The following ENTHD1 variants were observed in gnomAD, a reference collection of about 807,000 sequenced individuals.
ENTHD1 encodes ENTH domain containing 1, also known as ENTH domain-containing protein 1.
ENTHD1 carries 23 observed loss-of-function variants against 39.1 expected under a neutral mutation model. The observed-to-expected ratio is 0.59, with a 90% CI of 0.42 to 0.83. The LOEUF is 0.83. Among genes scored for constraint, ENTHD1 ranks in the 40% least tolerant of loss-of-function variants. The pLI is 0.00. For missense variants in ENTHD1, 624 were observed against 705.4 expected, an observed-to-expected ratio of 0.88 and a Z score of 1.31; for synonymous variants, 230 against 258.2, an observed-to-expected ratio of 0.89 and a Z score of 1.05.
At chr22:39,746,901 T>A (rs113465172) in intron 6 of ENTHD1, among the ~76,000 whole-genome samples, 5 of 152,362 alleles carry the variant, frequency 3.3e-5, no homozygotes, top group African/African-American at 1.2e-4. Context: ...CTTCAGACTC[T>A]GCCATGGGTT....
chr22:39,771,704 G>GA (rs1343490786), intron 5 of ENTHD1, among the ~76,000 whole-genome samples: 5 of 150,948 alleles, frequency 3.3e-5, no homozygotes, highest in South Asian at 2.1e-4. Context: ...TTTTAATGCT[G>GA]AAAAAAAACT....
intron 3 of ENTHD1, among the ~76,000 whole-genome samples, chr22:39,841,378 T>C (rs2065943302): frequency 6.6e-6 from 1 of 152,160 alleles, no homozygotes; most frequent in South Asian, 2.1e-4. Context: ...TCTAAGTCTC[T>C]TTGTAGGTCA....
chr22:39,860,846 T>C (rs1168735617), intron 3 of ENTHD1, among the ~76,000 whole-genome samples: 7 of 152,218 alleles, frequency 4.6e-5, no homozygotes, highest in Non-Finnish European at 5.9e-5. Flanking sequence ...TTTAAAGTTT[T>C]AGCAAATTTG....
intron 5 of ENTHD1, 120 bp downstream of exon 5, chr22:39,820,873 G>C: frequency 9.9e-7 from 1 of 1,009,132 alleles, no homozygotes; most frequent in South Asian, 1.8e-5. Flanking sequence ...CCATGTTGTG[G>C]GTTGAATTTA....
At chr22:39,748,444 C>T (rs534641687) in intron 6 of ENTHD1, among the ~76,000 whole-genome samples, 54 of 149,956 alleles carry the variant, frequency 3.6e-4, no homozygotes, top group African/African-American at 1.0e-3. Flanking sequence ...TTTTTTGAGA[C>T]GGAGTCTCGC....
intron 1 of ENTHD1, among the ~76,000 whole-genome samples, chr22:39,888,436 T>G (rs1007663202): frequency 2.0e-5 from 3 of 151,624 alleles, no homozygotes; most frequent in African/African-American, 4.8e-5. Context: ...CCTGGCTATT[T>G]TTTTTTTTGG....
At chr22:39,769,659 AG>A (rs1178613767) in intron 5 of ENTHD1, among the ~76,000 whole-genome samples, 8 of 152,158 alleles carry the variant, frequency 5.3e-5, no homozygotes, top group Non-Finnish European at 1.0e-4. Context: ...AGTAGTACTC[AG>A]AGGAAGGCCA....
intron 2 of ENTHD1, among the ~76,000 whole-genome samples, chr22:39,885,664 G>A (rs1487668215): frequency 6.6e-6 from 1 of 152,172 alleles, no homozygotes; most frequent in Non-Finnish European, 1.5e-5. Context: ...AAGGAATAAA[G>A]TTCTGATACA....
intron 1 of ENTHD1, among the ~76,000 whole-genome samples, chr22:39,890,721 C>G (rs2066420161): frequency 6.6e-6 from 1 of 152,116 alleles, no homozygotes; most frequent in Non-Finnish European, 1.5e-5. Context: ...AATGAATTTA[C>G]ATGACACCAT....
At chr22:39,753,433 G>A (rs913182903) in intron 6 of ENTHD1, among the ~76,000 whole-genome samples, 1 of 152,198 alleles carries the variant, frequency 6.6e-6, no homozygotes, top group Non-Finnish European at 1.5e-5. Context: ...AAGATCAAAT[G>A]AGGTTGCAGC....
At chr22:39,747,358 A>C (rs917204879) in intron 6 of ENTHD1, among the ~76,000 whole-genome samples, 1 of 152,160 alleles carries the variant, frequency 6.6e-6, no homozygotes, top group African/African-American at 2.4e-5. Context: ...TTCAAATATG[A>C]GGCAAGGGAA....
At chr22:39,809,031 G>T (rs1208470307) in intron 5 of ENTHD1, among the ~76,000 whole-genome samples, 2 of 152,174 alleles carry the variant, frequency 1.3e-5, no homozygotes, top group Non-Finnish European at 2.9e-5. Context: ...TCTACAGTCA[G>T]TTCTATAATT....
At chr22:39,871,219 A>T (rs2066241336) in intron 2 of ENTHD1, among the ~76,000 whole-genome samples, 3 of 148,506 alleles carry the variant, frequency 2.0e-5, no homozygotes, top group African/African-American at 7.6e-5. Flanking sequence ...AAATAAATAA[A>T]TACGGACCTT....
chr22:39,757,684 A>G (rs1470919759), intron 6 of ENTHD1, among the ~76,000 whole-genome samples: 2 of 152,036 alleles, frequency 1.3e-5, no homozygotes, highest in African/African-American at 4.8e-5. Context: ...CTCAAAAAAA[A>G]AAATTTAAAA....
chr22:39,744,241 G>T lies in ENTHD1; in HGVS notation c.1262C>A (p.Ser421Tyr), dbSNP rs752651560. The T allele has an allele frequency of 9.9e-6, 16 of 1,608,890 alleles. No individual in the cohort carries two copies. Among genetic ancestry groups the T allele is most frequent in the Non-Finnish European group, 1.2e-5 (14 of 1,178,470 alleles). The change falls in exon 7 of 7, where the codon TCC becomes TAC. Residue 421 changes from serine to tyrosine, a missense_variant. Coordinates refer to ENST00000325157, the MANE Select transcript of ENTHD1 (RefSeq NM_152512.4). The stretch of plus-strand genomic sequence containing the variant: ...AGAGGCTAAATCAGGAGATGACATG[G>T]ATAAAGGAGAAAAGGAAGATGCTCC... ...SEGASSFSPLSMSSPDLASPE... is the reference protein window; with the variant it reads ...SEGASSFSPLYMSSPDLASPE...
chr22:39,852,887 ATATT>A (rs2066054644), intron 3 of ENTHD1, among the ~76,000 whole-genome samples: 1 of 152,162 alleles, frequency 6.6e-6, no homozygotes, highest in Non-Finnish European at 1.5e-5. Context: ...TTATTTTTAT[ATATT>A]TATTTTTAAA....
At chr22:39,843,499 T>C (rs2065962757) in intron 3 of ENTHD1, among the ~76,000 whole-genome samples, 2 of 151,532 alleles carry the variant, frequency 1.3e-5, no homozygotes, top group Non-Finnish European at 1.5e-5. Context: ...TTGGGAGATA[T>C]ACTTAATGCT....
chr22:39,788,488 G>A (rs1177272126), intron 5 of ENTHD1, among the ~76,000 whole-genome samples: 1 of 152,168 alleles, frequency 6.6e-6, no homozygotes, highest in African/African-American at 2.4e-5. Flanking sequence ...TGCTTCTTAT[G>A]GATGAGCAAA....
intron 6 of ENTHD1, among the ~76,000 whole-genome samples, chr22:39,752,053 T>TTCTC (rs542882500): frequency 6.7e-6 from 1 of 149,610 alleles, no homozygotes; most frequent in Non-Finnish European, 1.5e-5. Context: ...AAAGCTTTAT[T>TTCTC]TCTCTCTCTC....
Sources: allele counts gnomAD v4.1 joint callset (sites outside exome capture counted in the v4.1 genomes callset), GRCh38; gene constraint gnomAD v4.1.1; transcripts MANE v1.5; gene names NCBI Gene and HGNC (gene_info 2026-07-23, HGNC 2026-07-21).